PIGL: variants seen among roughly 807,000 people sequenced by gnomAD.
PIGL encodes N-acetylglucosaminyl-phosphatidylinositol de-N-acetylase.
PIGL carries 22 observed loss-of-function variants against 31.1 expected under a neutral mutation model. The observed-to-expected ratio is 0.71, with a 90% confidence interval of 0.51 to 1.01. PIGL has a LOEUF of 1.01. PIGL is among the 50% of genes least tolerant of loss of function. The probability of loss-of-function intolerance (pLI) is 0.00; values close to 1 mark genes in which losing one functional copy is unlikely to be tolerated. For synonymous variants in PIGL, 131 were observed against 117.4 expected, an observed-to-expected ratio of 1.12 and a Z score of -0.75; for missense variants, 302 against 315.9, an observed-to-expected ratio of 0.96 and a Z score of 0.33.
At chr17:16,218,947 TG>T (rs1220796075) in intron 1 of PIGL, among the ~76,000 whole-genome samples, 1 of 151,670 alleles carries the variant, frequency 6.6e-6, no homozygotes, top group Non-Finnish European at 1.5e-5. Context: ...CCAAAGTGCT[TG>T]GGATTACAAG....
At chr17:16,298,874 A>C (rs1175500035) in intron 2 of PIGL, among the ~76,000 whole-genome samples, 1 of 151,932 alleles carries the variant, frequency 6.6e-6, no homozygotes, top group African/African-American at 2.4e-5. Flanking sequence ...CTAAAAATAC[A>C]AAAATTAGCT....
At chr17:16,264,679 C>T (rs2092834799) in intron 2 of PIGL, among the ~76,000 whole-genome samples, 1 of 151,416 alleles carries the variant, frequency 6.6e-6, no homozygotes, top group Admixed American at 6.6e-5. Context: ...CTTGCCCAGG[C>T]TGGAGTGCAG....
At chr17:16,252,188 C>T (rs1167442040) in intron 2 of PIGL, among the ~76,000 whole-genome samples, 1 of 151,906 alleles carries the variant, frequency 6.6e-6, no homozygotes, top group Admixed American at 6.6e-5. Flanking sequence ...ATGCTCCTGC[C>T]TCAGCCTCCC....
chr17:16,272,321 A>AT (rs1308868410), intron 2 of PIGL, among the ~76,000 whole-genome samples: 2 of 152,158 alleles, frequency 1.3e-5, no homozygotes, highest in East Asian at 3.8e-4. Context: ...CATTATTGAC[A>AT]TTTTGTCAAT....
chr17:16,256,038 A>AG (rs2092792407), intron 2 of PIGL, among the ~76,000 whole-genome samples: 1 of 152,206 alleles, frequency 6.6e-6, no homozygotes, highest in Non-Finnish European at 1.5e-5. Context: ...CAAAAAAAAA[A>AG]GTGAGACCAG....
chr17:16,302,035 C>A lies in PIGL; in HGVS notation c.426+2057C>A, dbSNP rs1157506880. On this transcript the variant is annotated intron_variant, in intron 3 of 6. Transcript: ENST00000225609. ...GATTTTCATTGATATATTCATTGGA[C>A]TGTTTCTGTTCTCTAATGACAGAAA... Among the ~76,000 whole-genome samples, 22 of 152,232 alleles carry A rather than the reference C, an allele frequency of 1.4e-4. 1 individual carries two copies.
intron 2 of PIGL, among the ~76,000 whole-genome samples, chr17:16,245,251 A>G (rs1394852879): frequency 6.6e-6 from 1 of 151,880 alleles, no homozygotes; most frequent in Non-Finnish European, 1.5e-5. Flanking sequence ...TCGGCCTCTC[A>G]AGAAGCTGGG....
intron 1 of PIGL, among the ~76,000 whole-genome samples, chr17:16,224,209 A>G (rs1258174494): frequency 6.6e-6 from 1 of 152,066 alleles, no homozygotes. Context: ...GCGACAGAGC[A>G]AGACTCCGTC....
intron 2 of PIGL, among the ~76,000 whole-genome samples, chr17:16,269,040 G>A (rs1411474081): frequency 1.3e-5 from 2 of 152,212 alleles, no homozygotes; most frequent in Non-Finnish European, 2.9e-5. Flanking sequence ...GGGATTACAT[G>A]CGTAAGCAAC....
At chr17:16,302,545 G>A (rs570884308) in intron 3 of PIGL, among the ~76,000 whole-genome samples, 15 of 152,214 alleles carry the variant, frequency 9.9e-5, no homozygotes, top group South Asian at 2.1e-4. Flanking sequence ...TTCAGTGCAC[G>A]AGAACTACTG....
chr17:16,295,001 A>C (rs922159340), intron 2 of PIGL, among the ~76,000 whole-genome samples: 2 of 152,200 alleles, frequency 1.3e-5, no homozygotes, highest in African/African-American at 4.8e-5. Context: ...GTGGGTAAAC[A>C]GGTCTCTATA....
chr17:16,222,581 T>G (rs1204133463), intron 1 of PIGL, among the ~76,000 whole-genome samples: 1 of 151,948 alleles, frequency 6.6e-6, no homozygotes, highest in African/African-American at 2.4e-5. Flanking sequence ...GACCCTGTGG[T>G]TTTTCTCTGT....
At chr17:16,270,378 G>A (rs1008770816) in intron 2 of PIGL, among the ~76,000 whole-genome samples, 5 of 151,444 alleles carry the variant, frequency 3.3e-5, no homozygotes, top group African/African-American at 1.2e-4. Flanking sequence ...TGTCCTGCCC[G>A]TGTTCTAATT....
chr17:16,220,871 G>A (rs1460014603), intron 1 of PIGL, among the ~76,000 whole-genome samples: 1 of 152,090 alleles, frequency 6.6e-6, no homozygotes, highest in African/African-American at 2.4e-5. Context: ...GACCTCAGGT[G>A]ATCCACCTGG....
intron 2 of PIGL, among the ~76,000 whole-genome samples, chr17:16,259,854 G>A (rs757982684): frequency 5.3e-5 from 8 of 152,310 alleles, no homozygotes; most frequent in African/African-American, 1.9e-4. Flanking sequence ...CAGCCAACCA[G>A]CTGTAGCTGT....
chr17:16,293,976 T>C (rs1198769419), intron 2 of PIGL, among the ~76,000 whole-genome samples: 1 of 152,160 alleles, frequency 6.6e-6, no homozygotes, highest in African/African-American at 2.4e-5. Context: ...TGGTCTCTCA[T>C]TGGCTTTTGG....
intron 6 of PIGL, among the ~76,000 whole-genome samples, chr17:16,325,332 CAAAAAAAAAAAAA>C (rs55958956): frequency 1.4e-5 from 1 of 69,278 alleles, no homozygotes; most frequent in Non-Finnish European, 2.7e-5. Flanking sequence ...GCAACAGGCT[CAAAAAAAAAAAAA>C]AAAAAAAAAA....
At chr17:16,298,620 G>A (rs2092992114) in intron 2 of PIGL, among the ~76,000 whole-genome samples, 1 of 152,206 alleles carries the variant, frequency 6.6e-6, no homozygotes, top group South Asian at 2.1e-4. Context: ...CTGATGGAGG[G>A]AGGATGTAGC....
chr17:16,272,410 G>GTAT (rs1490556053), intron 2 of PIGL, among the ~76,000 whole-genome samples: 1 of 152,042 alleles, frequency 6.6e-6, no homozygotes, highest in Non-Finnish European at 1.5e-5. Flanking sequence ...TATTCCTATT[G>GTAT]TATTATTTGG....
Sources: gnomAD v4.1 joint callset for allele counts (sites outside exome capture counted in the v4.1 genomes callset) on GRCh38, gnomAD v4.1.1 for gene constraint, MANE v1.5 for transcripts, NCBI Gene and HGNC (gene_info 2026-07-23, HGNC 2026-07-21) for gene names.